CIB1: variants seen among roughly 807,000 people sequenced by gnomAD.
CIB1 encodes the protein calcium and integrin-binding protein 1.
Under a neutral mutation model 25.0 loss-of-function variants are expected in CIB1, and 19 were observed. The observed-to-expected ratio is 0.76, with a 90% CI of 0.53 to 1.12. The LOEUF (loss-of-function observed/expected upper bound fraction) is 1.12, where lower values mean the gene tolerates loss of function less well. Among genes scored for constraint, CIB1 ranks in the 50% most tolerant of loss-of-function variants. The pLI is 0.00. For synonymous variants in CIB1, 104 were observed against 98.5 expected (o/e 1.06, Z -0.33); for missense variants, 236 against 242.6 (o/e 0.97, Z 0.18).
chr15:90,247,022 C>A, the CIB1 span, among the ~76,000 whole-genome samples: 1 of 150,536 alleles, frequency 6.6e-6, no homozygotes, highest in South Asian at 2.1e-4. Context: ...GTCATCCAGG[C>A]TGGAGTGCAG....
chr15:90,240,883 T>C, the CIB1 span: 52 of 1,543,908 alleles, frequency 3.4e-5, no homozygotes, highest in Non-Finnish European at 4.6e-5. Context: ...TGTTTTCATC[T>C]TTTATGACTA....
the CIB1 span, chr15:90,264,919 C>T: frequency 1.3e-6 from 2 of 1,535,978 alleles, no homozygotes; most frequent in African/African-American, 2.7e-5. Context: ...CGTCTGCACC[C>T]ATGCTGCAGC....
At chr15:90,233,646 G>C in intron 2 of CIB1, 23 bp downstream of exon 2, 1 of 1,569,850 alleles carries the variant, frequency 6.4e-7, no homozygotes, top group Non-Finnish European at 8.6e-7. Context: ...GGGGTCGGAG[G>C]CAGGGTTCAA....
rs201187361 is a variant in CIB1, at chr15:90,233,695, C to T, written c.60G>A (p.Thr20=). Reference sequence around the variant, plus strand: ...GGAGGATCTCCTGCTTCGTCAGGAACGTCAAGTCCTGGAAGGCAAAGCCAG... The same window carrying T: ...GGAGGATCTCCTGCTTCGTCAGGAATGTCAAGTCCTGGAAGGCAAAGCCAG... ...KELLAEYQDL[T]FLTKQEILLA... is the part of the protein sequence containing the mutation. The change falls in exon 2 of 7, where the codon ACG becomes ACA. Residue 20 remains threonine, a synonymous_variant. Coordinates refer to ENST00000328649, the MANE Select transcript of CIB1 (RefSeq NM_006384.4). 33 of 1,576,596 alleles carry T rather than the reference C, an allele frequency of 2.1e-5. No individual in the cohort carries two copies. In the Middle Eastern group the frequency reaches 6.9e-4, roughly 33 times the overall value.
chr15:90,249,323 G>A, the CIB1 span, among the ~76,000 whole-genome samples: 17 of 152,270 alleles, frequency 1.1e-4, no homozygotes, highest in Admixed American at 7.2e-4. Context: ...GGAAAGATGG[G>A]AGTGCGGCGA....
the CIB1 span, among the ~76,000 whole-genome samples, chr15:90,248,407 A>G: frequency 6.6e-6 from 1 of 152,168 alleles, no homozygotes; most frequent in East Asian, 1.9e-4. Flanking sequence ...CAGTCTATGA[A>G]TTAGAGAATG....
At chr15:90,242,050 C>T in the CIB1 span, 1 of 1,604,964 alleles carries the variant, frequency 6.2e-7, no homozygotes, top group Non-Finnish European at 8.5e-7. Context: ...GCCCTGATGT[C>T]CCAGGAAGAG....
At chr15:90,245,479 A>AAAAG in the CIB1 span, 2 of 151,936 alleles carry the variant, frequency 1.3e-5, no homozygotes, top group East Asian at 3.9e-4. Context: ...TCTCAAAAAA[A>AAAAG]AAAAAAAAGA....
intron 3 of CIB1, 59 bp downstream of exon 3, chr15:90,232,159 TA>T: frequency 3.7e-6 from 5 of 1,338,574 alleles, no homozygotes; most frequent in Non-Finnish European, 5.3e-6. Flanking sequence ...CAGATGGAGT[TA>T]GGGGGTCTAG....
the CIB1 span, among the ~76,000 whole-genome samples, chr15:90,248,448 T>G: frequency 3.3e-5 from 5 of 152,024 alleles, 1 homozygote; most frequent in African/African-American, 1.2e-4. Flanking sequence ...AGTTCAGTGG[T>G]TCATGCCTGT....
At chr15:90,242,075 G>A in the CIB1 span, 1 of 1,587,016 alleles carries the variant, frequency 6.3e-7, no homozygotes, top group Non-Finnish European at 8.6e-7. Context: ...AATACTTCTG[G>A]ATGTATTTAT....
chr15:90,258,339 G>C, the CIB1 span: 1 of 1,348,996 alleles, frequency 7.4e-7, no homozygotes, highest in South Asian at 1.2e-5. Context: ...ACCTGGGACA[G>C]GGGTACACTC....
At chr15:90,250,318 GC>G in the CIB1 span, among the ~76,000 whole-genome samples, 1 of 152,234 alleles carries the variant, frequency 6.6e-6, no homozygotes, top group East Asian at 1.9e-4. Flanking sequence ...CATGGTCATG[GC>G]CCATACCATC....
At chr15:90,262,675 A>G in the CIB1 span, 1 of 1,476,318 alleles carries the variant, frequency 6.8e-7, no homozygotes, top group Non-Finnish European at 8.9e-7. Flanking sequence ...AAGAGGTGCC[A>G]GGGGTTTTGT....
At chr15:90,256,389 G>A in the CIB1 span, 1 of 1,522,736 alleles carries the variant, frequency 6.6e-7, no homozygotes, top group Non-Finnish European at 9.0e-7. Context: ...GCTGGTCTTA[G>A]GCTTCTACCC....
At chr15:90,232,647 C>G (rs895926518) in intron 2 of CIB1, among the ~76,000 whole-genome samples, 1 of 152,212 alleles carries the variant, frequency 6.6e-6, no homozygotes, top group Admixed American at 6.5e-5. Context: ...TGGCTCACAC[C>G]TGTAATCCCA....
At chr15:90,237,443 G>C (rs952911650), upstream of CIB1, among the ~76,000 whole-genome samples, 1 of 151,278 alleles carries the variant, frequency 6.6e-6, no homozygotes, top group African/African-American at 2.4e-5. Flanking sequence ...CCACCACCAC[G>C]CCCAGCTAAT....
the CIB1 span, chr15:90,263,101 C>T: frequency 5.2e-6 from 8 of 1,535,856 alleles, no homozygotes; most frequent in Non-Finnish European, 7.0e-6. Context: ...CACCCGTCTG[C>T]AGCACCCTGG....
the CIB1 span, chr15:90,242,147 G>A: frequency 8.3e-7 from 1 of 1,200,726 alleles, no homozygotes; most frequent in East Asian, 2.5e-5. Flanking sequence ...GAGTGTAGTG[G>A]TATGATCCTG....
Sources: gnomAD v4.1 joint callset for allele counts (sites outside exome capture counted in the v4.1 genomes callset) on GRCh38, gnomAD v4.1.1 for gene constraint, MANE v1.5 for transcripts, NCBI Gene and HGNC (gene_info 2026-07-23, HGNC 2026-07-21) for gene names.